ATP9B: variants seen among roughly 807,000 people sequenced by gnomAD.
ATP9B encodes probable phospholipid-transporting ATPase IIB.
Under a neutral mutation model 146.1 loss-of-function variants are expected in ATP9B, and 110 were observed. That is an observed-to-expected ratio of 0.75 (90% CI 0.65 to 0.88). The LOEUF (loss-of-function observed/expected upper bound fraction) is 0.88. Among genes scored for constraint, ATP9B ranks in the 40% least tolerant of loss-of-function variants. The pLI, the probability that ATP9B is intolerant of heterozygous loss-of-function variation, is 0.00. For missense variants in ATP9B, 1,499 were observed against 1,496.4 expected (o/e 1.00, Z -0.03); for synonymous variants, 604 against 569.7 (o/e 1.06, Z -0.86).
Position 79,189,919 on chromosome 18 carries a change from CAT to C in ATP9B, c.874-3263_874-3262del, listed in dbSNP as rs555005617. 3.9e-5 allele frequency among the ~76,000 whole-genome samples: 6 copies of C among 152,340 alleles called. No homozygotes were observed. The East Asian group carries it at 5.8e-4, about 15-fold the overall frequency. ...GTATTACGCCAAACACGATGGAAAA[CAT>C]GTGAGCACCATGAGCGAGCACTCGG... On this transcript the variant is annotated intron_variant, in intron 8 of 29. Coordinates refer to ENST00000426216, the MANE Select transcript of ATP9B (RefSeq NM_198531.5).
At chr18:79,308,628 G>C (rs557011970) in intron 15 of ATP9B, among the ~76,000 whole-genome samples, 1 of 152,304 alleles carries the variant, frequency 6.6e-6, no homozygotes, top group South Asian at 2.1e-4. Flanking sequence ...AGAGCAGCAG[G>C]TACCAGGGTC....
At chr18:79,264,011 G>T (rs184641941) in intron 12 of ATP9B, among the ~76,000 whole-genome samples, 147 of 152,250 alleles carry the variant, frequency 9.7e-4, no homozygotes, top group African/African-American at 3.2e-3. Flanking sequence ...CGTCAACCCG[G>T]AAGGCGGAGG....
At chr18:79,143,038 G>A (rs886773673) in intron 5 of ATP9B, among the ~76,000 whole-genome samples, 29 of 152,136 alleles carry the variant, frequency 1.9e-4, no homozygotes, top group African/African-American at 6.3e-4. Context: ...AGTGAGACAG[G>A]GAGAGAGTGA....
At chr18:79,151,383 G>A (rs1326239633) in intron 6 of ATP9B, among the ~76,000 whole-genome samples, 4 of 152,110 alleles carry the variant, frequency 2.6e-5, no homozygotes, top group Admixed American at 2.6e-4. Context: ...ATGTTGTTGT[G>A]TGGTTGTTAC....
rs1226843375 is a variant in ATP9B, at chr18:79,104,910, A to AT, written c.294-5438dup. Among the ~76,000 whole-genome samples the AT allele has an allele frequency of 2.6e-5, 4 of 151,998 alleles. No individual in the cohort carries two copies. The East Asian group carries it at 7.7e-4, about 29-fold the overall frequency. On this transcript the variant is annotated intron_variant, in intron 2 of 29. Coordinates refer to ENST00000426216, the MANE Select transcript of ATP9B (RefSeq NM_198531.5). ...AGTCATGTGCCACCACACCCGGCTA[A>AT]TTTTTTTATTTTTATAGAGGCAGGG...
chr18:79,231,803 T>TATATATATACAC (rs569726473), intron 11 of ATP9B, among the ~76,000 whole-genome samples: 1 of 114,760 alleles, frequency 8.7e-6, no homozygotes, highest in African/African-American at 3.4e-5. Context: ...TATATATATA[T>TATATATATACAC]ACACACACAC....
At chr18:79,233,464 A>C (rs2095811178) in intron 11 of ATP9B, among the ~76,000 whole-genome samples, 1 of 152,232 alleles carries the variant, frequency 6.6e-6, no homozygotes, top group Non-Finnish European at 1.5e-5. Flanking sequence ...CCTGGTGTAT[A>C]ATATTCAAAC....
intron 22 of ATP9B, 101 bp downstream of exon 22, chr18:79,345,673 C>T: frequency 1.3e-6 from 2 of 1,599,338 alleles, no homozygotes; most frequent in Non-Finnish European, 1.7e-6. Context: ...AGATTGATTT[C>T]ATCTCCATTC....
chr18:79,305,120 C>T (rs910452541), intron 14 of ATP9B, among the ~76,000 whole-genome samples: 2 of 152,206 alleles, frequency 1.3e-5, no homozygotes, highest in African/African-American at 4.8e-5. Flanking sequence ...TTGCAGAGGC[C>T]ACCTGGCGAC....
At chr18:79,306,325 C>T (rs957258585) in intron 14 of ATP9B, among the ~76,000 whole-genome samples, 6 of 152,094 alleles carry the variant, frequency 3.9e-5, no homozygotes, top group Non-Finnish European at 8.8e-5. Context: ...TTGGTGGTGC[C>T]GATGAAATCT....
At chr18:79,152,633 G>C (rs186811020) in intron 6 of ATP9B, among the ~76,000 whole-genome samples, 31 of 152,088 alleles carry the variant, frequency 2.0e-4, no homozygotes, top group African/African-American at 7.5e-4. Context: ...CAATTCAGTG[G>C]GGAAAGAACT....
intron 17 of ATP9B, among the ~76,000 whole-genome samples, 190 bp from the exon 18 acceptor site, chr18:79,336,438 C>T (rs1219490800): frequency 6.6e-6 from 1 of 152,188 alleles, no homozygotes; most frequent in African/African-American, 2.4e-5. Flanking sequence ...CCAGACAGGT[C>T]GGGAGGTTAA....
chr18:79,332,406 G>T (rs560132926), intron 17 of ATP9B, among the ~76,000 whole-genome samples: 1 of 152,236 alleles, frequency 6.6e-6, no homozygotes, highest in Non-Finnish European at 1.5e-5. Context: ...TCCAGCCTGG[G>T]CGACAGAGCG....
chr18:79,344,661 T>A (rs1335500793), intron 21 of ATP9B, among the ~76,000 whole-genome samples: 8 of 152,246 alleles, frequency 5.3e-5, no homozygotes, highest in Non-Finnish European at 1.2e-4. Flanking sequence ...CCTGAGGAGA[T>A]GTCAGAGCTG....
chr18:79,119,794 C>G (rs1012467886), intron 4 of ATP9B, among the ~76,000 whole-genome samples: 3 of 152,156 alleles, frequency 2.0e-5, no homozygotes. Flanking sequence ...AGTATGCTTT[C>G]TCTGTTTATA....
intron 1 of ATP9B, among the ~76,000 whole-genome samples, chr18:79,071,398 C>CT (rs747150962): frequency 1.3e-4 from 3 of 22,408 alleles, no homozygotes; most frequent in African/African-American, 3.1e-4. Context: ...TATTGTTCTT[C>CT]CTTTTTTTTT....
intron 13 of ATP9B, among the ~76,000 whole-genome samples, chr18:79,284,706 T>TG (rs35289671): frequency 0.9 from 133,881 of 149,404 alleles, 60,137 homozygotes; most frequent in East Asian, 1. Context: ...TGTGCCATGC[T>TG]GTGTGCTGCA....
At chr18:79,245,738 C>T (rs2095944770) in intron 11 of ATP9B, among the ~76,000 whole-genome samples, 3 of 148,790 alleles carry the variant, frequency 2.0e-5, no homozygotes, top group South Asian at 2.1e-4. Context: ...TGGAGGACAC[C>T]GCCCTGCTGA....
At chr18:79,368,839 C>A (rs2097051281) in intron 26 of ATP9B, among the ~76,000 whole-genome samples, 1 of 152,028 alleles carries the variant, frequency 6.6e-6, no homozygotes, top group Non-Finnish European at 1.5e-5. Context: ...GTTGGCACGT[C>A]TCTACCCTCA....
Sources: allele counts gnomAD v4.1 joint callset (sites outside exome capture counted in the v4.1 genomes callset), GRCh38; gene constraint gnomAD v4.1.1; transcripts MANE v1.5; gene names NCBI Gene and HGNC (gene_info 2026-07-23, HGNC 2026-07-21).